Variants in ULK3 observed in about 807,000 individuals in gnomAD.
ULK3 encodes serine/threonine-protein kinase ULK3.
Under a neutral mutation model 69.4 loss-of-function variants are expected in ULK3, and 54 were observed. The ratio of observed to expected loss-of-function variants is 0.78; its 90% CI spans 0.63 to 0.98. The LOEUF (loss-of-function observed/expected upper bound fraction) is 0.98. Among genes scored for constraint, ULK3 ranks in the 50% least tolerant of loss-of-function variants. The probability of loss-of-function intolerance (pLI) is 0.00; values close to 1 mark genes in which losing one functional copy is unlikely to be tolerated. For synonymous variants in ULK3, 240 were observed against 254.5 expected (o/e 0.94, Z 0.54); for missense variants, 558 against 627.7 (o/e 0.89, Z 1.19).
chr15:74,836,593 G>A lies in ULK3; in HGVS notation c.*635C>T, dbSNP rs2064027779. ...ACCCTCCTGAGTGCTCCCTAGGCCA[G>A]GGCAGGAACAAGGCTTGGGCTTCTT... On this transcript the variant is annotated 3_prime_UTR_variant, in exon 16 of 16. Transcript: ENST00000440863. The surrounding 1 kb of genome is among the most constrained non-coding windows in gnomAD (Gnocchi z 4.0). 1 of 152,508 alleles carries A rather than the reference G, an allele frequency of 6.6e-6. No homozygotes were observed. Among genetic ancestry groups the A allele is most frequent in the Non-Finnish European group, 1.5e-5 (1 of 68,272 alleles). 9.4% of individuals were successfully genotyped at this position (152,508 alleles called of 1,614,324 possible).
At chr15:74,840,091 C>A in intron 6 of ULK3, 143 bp downstream of exon 6, 1 of 1,067,178 alleles carries the variant, frequency 9.4e-7, no homozygotes, top group South Asian at 1.5e-5. Context: ...GGCACCTCGA[C>A]TTCCAGCCTA....
chr15:74,840,580 G>T lies in ULK3; in HGVS notation c.531C>A (p.Pro177=), dbSNP rs35249396. ...WDEKHVLRGS[P]LYMAPEMVCQ... is the part of the protein sequence containing the mutation. ...ACACCATCTCGGGGGCCATGTAGAG[G>T]GGGGAGCCACGGAGCACGTGCTTCT... is the stretch of plus-strand genomic sequence containing the variant. The change falls in exon 5 of 16, where the codon CCC becomes CCA. Residue 177 remains proline, a synonymous_variant. Coordinates refer to ENST00000440863, the MANE Select transcript of ULK3 (RefSeq NM_001099436.4). The T allele has an allele frequency of 1.5e-4, 248 of 1,608,722 alleles. No homozygotes were observed. The highest frequency in any genetic ancestry group is 2.0e-4 in the Non-Finnish European group (233 of 1,178,352).
rs1334430400 is a variant in ULK3 at position 74,838,658 on chromosome 15, G to C, written c.1087C>G (p.Arg363Gly). 6.2e-7 allele frequency: 1 copy of C among 1,611,596 alleles called. No homozygotes were observed. Among genetic ancestry groups the C allele is most frequent in the Non-Finnish European group, 8.5e-7 (1 of 1,178,792 alleles). The change falls in exon 10 of 16, where the codon CGA (arginine) becomes GGA (glycine). Residue 363 changes from arginine to glycine, a missense_variant. By Grantham distance (125) the Arg-to-Gly change is moderately radical. Transcript: ENST00000440863. Reference protein sequence around the residue: ...QALLRQGTSARDLLREMARDK... With the variant: ...QALLRQGTSAGDLLREMARDK... ...CGGAGTCTACCTCTGAGCAGGTCTC[G>C]GGCAGAGGTCCCCTGCCTCAGCAGG... is the stretch of plus-strand genomic sequence containing the variant.
intron 5 of ULK3, 73 bp downstream of exon 5, chr15:74,840,425 G>T (rs375102737): frequency 1.3e-6 from 2 of 1,568,694 alleles, no homozygotes; most frequent in South Asian, 2.3e-5. Flanking sequence ...GAACCCTTCA[G>T]AAGTGGCCCA....
At chr15:74,840,845 G>T in intron 4 of ULK3, 1 of 656,820 alleles carries the variant, frequency 1.5e-6, no homozygotes, top group Non-Finnish European at 2.4e-6. Context: ...CAGCTCCCTT[G>T]GGCACCTTTT....
rs763079887 is a variant in ULK3, at chr15:74,842,102, C to T, written c.337G>A (p.Val113Met). Residue 113 changes from valine (V) to methionine (M), a missense_variant, in exon 3 of 16, where the codon GTG (valine) becomes ATG (methionine). Coordinates refer to ENST00000440863, the MANE Select transcript of ULK3 (RefSeq NM_001099436.4). The surrounding 1 kb of genome is among the most constrained non-coding windows in gnomAD (Gnocchi z 4.9). The stretch of plus-strand genomic sequence containing the variant: ...AATTGCTGCATGAAGACACGCGCCA[C>T]CTTCTCAGGCAGAATCCTGCGGGTA... ...IHTRRILPEK[V>M]ARVFMQQLAS... 1 of 1,613,930 alleles carries T rather than the reference C, an allele frequency of 6.2e-7. No individual in the cohort carries two copies. The highest frequency in any genetic ancestry group is 1.1e-5 in the South Asian group (1 of 91,080).
rs777930516 is a variant in ULK3, at chr15:74,841,486, C to G, written c.388G>C (p.Glu130Gln). ...AGATCCAGGTGAGAGATATTCCGTT[C>G]ATGCAGGAATTGCAGGGCGCTAGCT... ...QLASALQFLH[E>Q]RNISHLDLKP... Residue 130 changes from glutamate to glutamine, a missense_variant, in exon 4 of 16, where the codon GAA (glutamate) becomes CAA (glutamine). Transcript: ENST00000440863. 2.5e-6 allele frequency: 4 copies of G among 1,613,776 alleles called. No homozygotes were observed. In the Admixed American group the frequency reaches 6.7e-5, roughly 27 times the overall value.
In ULK3 at chr15:74,838,085, T is replaced by A. The variant is rs2064089600; in HGVS notation, c.1287+67A>T. The A allele has an allele frequency of 1.6e-5, 25 of 1,538,594 alleles. No homozygotes were observed. In the Admixed American group the frequency reaches 2.2e-4, roughly 13 times the overall value. Reference sequence around the variant, plus strand: ...ACATTCCAGAGGGAACCCAAAGAGGTCCCCACAGGTAAGAGCAGAGAAAGG... The same window carrying A: ...ACATTCCAGAGGGAACCCAAAGAGGACCCCACAGGTAAGAGCAGAGAAAGG... On this transcript the variant is annotated intron_variant, in intron 13 of 15. Coordinates refer to ENST00000440863, the MANE Select transcript of ULK3 (RefSeq NM_001099436.4).
chr15:74,839,606 G>A lies in ULK3; in HGVS notation c.804C>T (p.Pro268=). 6.4e-7 allele frequency: 1 copy of A among 1,563,776 alleles called. No homozygotes were observed. Among genetic ancestry groups the A allele is most frequent in the Non-Finnish European group, 8.7e-7 (1 of 1,155,358 alleles). Reference sequence around the variant, plus strand: ...TGGGCATGTGCTCCAGGTCCACCCAGGGGTGCGCAAAAAAGTCCTGGAAGG... The same window carrying A: ...TGGGCATGTGCTCCAGGTCCACCCAAGGGTGCGCAAAAAAGTCCTGGAAGG... ...RISFQDFFAH[P]WVDLEHMPSG... is the part of the protein sequence containing the mutation. Residue 268 remains proline, a synonymous_variant, in exon 7 of 16, where the codon CCC becomes CCT. Transcript: ENST00000440863.
intron 3 of ULK3, among the ~76,000 whole-genome samples, chr15:74,841,862 G>A (rs879739590): frequency 2.0e-5 from 3 of 152,218 alleles, no homozygotes; most frequent in Non-Finnish European, 4.4e-5. Context: ...ATGTATGGAA[G>A]CCTGAACACC....
Position 74,842,888 on chromosome 15 carries a change from G to T in ULK3, c.102+116C>A. 1 of 1,353,000 alleles carries T rather than the reference G, an allele frequency of 7.4e-7. No homozygotes were observed. 83.8% of individuals were successfully genotyped at this position (1,353,000 alleles called of 1,614,324 possible). ...ACCTCCGCCGAGGGTCAGCTGGGGC[G>T]AGGCCGGCCTCCCGCCCCTAACTAT... is the stretch of plus-strand genomic sequence containing the variant. On this transcript the variant is annotated intron_variant, in intron 1 of 15. Transcript: ENST00000440863. The surrounding 1 kb of genome is among the most constrained non-coding windows in gnomAD (Gnocchi z 4.9).
Position 74,839,253 on chromosome 15 carries a change from T to C in ULK3, c.958+15A>G, listed in dbSNP as rs764151664. ...CTGCTGCACCCACGGGCTTCAGGCA[T>C]GGCCTGGGACTCACAGTGCAGGGCA... On this transcript the variant is annotated intron_variant, in intron 8 of 15. Coordinates refer to ENST00000440863, the MANE Select transcript of ULK3 (RefSeq NM_001099436.4). 1.3e-6 allele frequency: 2 copies of C among 1,552,792 alleles called. No homozygotes were observed. The highest frequency in any genetic ancestry group is 8.7e-7 in the Non-Finnish European group (1 of 1,147,390).
In ULK3 at chr15:74,842,809, C is replaced by G; in HGVS notation, c.102+195G>C. 2 of 1,422,832 alleles carry G rather than the reference C, an allele frequency of 1.4e-6. No individual in the cohort carries two copies. The highest frequency in any genetic ancestry group is 2.8e-5 in the African/African-American group (2 of 70,738). The allele number at this position is 1,422,832 out of a possible 1,614,324, so 88.1% of individuals were successfully genotyped here. A position where few individuals can be genotyped will look rare whatever the true frequency, so the allele number is the denominator to read the frequency against. ...TGAGCCTGTTCTTCAGCCACTGACC[C>G]TGCAGGTGGGTGCAGGTGCGCTCTT... On this transcript the variant is annotated intron_variant, in intron 1 of 15. Coordinates refer to ENST00000440863, the MANE Select transcript of ULK3 (RefSeq NM_001099436.4). The surrounding 1 kb of genome is among the most constrained non-coding windows in gnomAD (Gnocchi z 4.9).
rs1038886256 is a variant in ULK3 at position 74,836,950 on chromosome 15, A to T, written c.*278T>A. On this transcript the variant is annotated 3_prime_UTR_variant, in exon 16 of 16. Coordinates refer to ENST00000440863, the MANE Select transcript of ULK3 (RefSeq NM_001099436.4). This position sits in a 1 kb window ranked among gnomAD's most constrained non-coding sequence, Gnocchi z 4.0. ...ATGCCCCAAAACGGACAGGCACAGG[A>T]CCCAGTAACCACCGAGTAACAAAGG... 3 of 408,878 alleles carry T rather than the reference A, an allele frequency of 7.3e-6. No homozygotes were observed. The highest frequency in any genetic ancestry group is 6.0e-5 in the African/African-American group (3 of 49,990). 25.3% of individuals were successfully genotyped at this position (408,878 alleles called of 1,614,324 possible).
chr15:74,839,446 C>T (rs2064160042), intron 7 of ULK3, 73 bp from the exon 8 acceptor site: 7 of 1,542,820 alleles, frequency 4.5e-6, no homozygotes, highest in Non-Finnish European at 5.2e-6. Context: ...GAGATCAGCT[C>T]CCCTGAGCCC....
intron 6 of ULK3, 140 bp from the exon 7 acceptor site, chr15:74,839,853 GGAT>G: frequency 2.4e-6 from 3 of 1,232,394 alleles, no homozygotes; most frequent in Non-Finnish European, 3.3e-6. Flanking sequence ...GGATGGGTCA[GGAT>G]GATGGAGCCA....
Position 74,842,660 on chromosome 15 carries a change from C to G in ULK3, c.103-240G>C, listed in dbSNP as rs1172561751. ...CTTCTCCAACCCTCGGCTAGCTGAT[C>G]CATTTCTTTGCATTCTGGAGTGCTC... On this transcript the variant is annotated intron_variant, in intron 1 of 15. Transcript: ENST00000440863. This position sits in a 1 kb window ranked among gnomAD's most constrained non-coding sequence, Gnocchi z 4.9. 2 of 1,535,948 alleles carry G rather than the reference C, an allele frequency of 1.3e-6. No homozygotes were observed. The highest frequency in any genetic ancestry group is 1.2e-5 in the South Asian group (1 of 84,126).
Position 74,840,294 on chromosome 15 carries a change from G to C in ULK3, c.636C>G (p.Pro212=), listed in dbSNP as rs759800592. 6.2e-7 allele frequency: 1 copy of C among 1,610,560 alleles called. No homozygotes were observed. The highest frequency in any genetic ancestry group is 1.7e-5 in the Admixed American group (1 of 59,584). The change falls in exon 6 of 16, where the codon CCC becomes CCG. Residue 212 remains proline, a synonymous_variant. Coordinates refer to ENST00000440863, the MANE Select transcript of ULK3 (RefSeq NM_001099436.4). The part of the protein sequence containing the change: ...ILYEALFGQP[P]FASRSFSELE... ...GCTCCGAGAACGACCTGGAGGCAAA[G>C]GGGGGCTGCCCGAAGAGGGCTTCTG...
chr15:74,838,484 G>C lies in ULK3; in HGVS notation c.1123C>G (p.Arg375Gly), dbSNP rs371226370. The C allele has an allele frequency of 6.3e-7, 1 of 1,578,112 alleles. No homozygotes were observed. Among genetic ancestry groups the C allele is most frequent in the East Asian group, 2.3e-5 (1 of 42,802 alleles). The change falls in exon 11 of 16, where the codon CGC becomes GGC. Residue 375 changes from arginine (R) to glycine (G), a missense_variant. Coordinates refer to ENST00000440863, the MANE Select transcript of ULK3 (RefSeq NM_001099436.4). ...LLREMARDKP[R>G]LLAALEVASA... ...GCCACTTCCAGGGCAGCTAGGAGGC[G>C]TGGCTTGTCCCGGGCCATCTCTGAG...
Sources: gnomAD v4.1 joint callset for allele counts (sites outside exome capture counted in the v4.1 genomes callset) on GRCh38, gnomAD v4.1.1 for gene constraint, Gnocchi (gnomAD v3.1) non-coding constraint, MANE v1.5 for transcripts, NCBI Gene and HGNC (gene_info 2026-07-23, HGNC 2026-07-21) for gene names.